FAM117A: variants seen among roughly 807,000 people sequenced by gnomAD.
FAM117A encodes the protein family with sequence similarity 117 member A.
In FAM117A, 21 loss-of-function variants were observed where a neutral mutation model predicts 44.1. That is an observed-to-expected ratio of 0.48 (90% CI 0.34 to 0.69). The LOEUF (loss-of-function observed/expected upper bound fraction) is 0.69. FAM117A is among the 30% of genes least tolerant of loss of function. The probability of loss-of-function intolerance (pLI) is 0.01; values close to 1 mark genes in which losing one functional copy is unlikely to be tolerated. For synonymous variants in FAM117A, 220 were observed against 238.3 expected, an observed-to-expected ratio of 0.92 and a Z score of 0.71; for missense variants, 498 against 589.9, an observed-to-expected ratio of 0.84 and a Z score of 1.61.
intron 3 of FAM117A, among the ~76,000 whole-genome samples, chr17:49,720,705 T>C (rs1269873802): frequency 6.6e-6 from 1 of 152,082 alleles, no homozygotes; most frequent in Non-Finnish European, 1.5e-5. Context: ...TTTTACAGAT[T>C]CCAAAGGCAT....
chr17:49,718,990 C>CA (rs2073519605), intron 5 of FAM117A, among the ~76,000 whole-genome samples: 1 of 99,724 alleles, frequency 1.0e-5, no homozygotes, highest in Non-Finnish European at 2.1e-5. Flanking sequence ...AAAAAAAAGG[C>CA]CGGTGGCTCA....
chr17:49,782,012 G>T (rs1002037372), intron 1 of FAM117A, among the ~76,000 whole-genome samples: 7 of 151,670 alleles, frequency 4.6e-5, no homozygotes, highest in Non-Finnish European at 1.0e-4. Context: ...AATAATGAGT[G>T]TATCTATGTT....
chr17:49,752,585 C>T (rs539443892), intron 1 of FAM117A, among the ~76,000 whole-genome samples: 36 of 152,276 alleles, frequency 2.4e-4, no homozygotes, highest in Middle Eastern at 6.8e-3. Context: ...CATGGCCTTG[C>T]CCCAAGCTCA....
At chr17:49,756,236 T>G (rs1413891735) in intron 1 of FAM117A, among the ~76,000 whole-genome samples, 4 of 152,118 alleles carry the variant, frequency 2.6e-5, no homozygotes, top group Non-Finnish European at 5.9e-5. Flanking sequence ...CACCAAACAC[T>G]GAGTATTTCT....
At chr17:49,774,438 C>T (rs997507851) in intron 1 of FAM117A, among the ~76,000 whole-genome samples, 5 of 151,142 alleles carry the variant, frequency 3.3e-5, no homozygotes, top group African/African-American at 1.2e-4. Flanking sequence ...CAGCTCACTG[C>T]AACCTCTGCC....
chr17:49,778,166 T>G (rs1414363303), intron 1 of FAM117A, among the ~76,000 whole-genome samples: 1 of 152,138 alleles, frequency 6.6e-6, no homozygotes, highest in Non-Finnish European at 1.5e-5. Flanking sequence ...CATACTTTTC[T>G]TTTTTTGCCT....
At position 49,771,929 on chromosome 17, in the gene FAM117A, C is replaced by T. The variant is rs184534487; in HGVS notation, c.-621+16568G>A. Among the ~76,000 whole-genome samples, 8 of 152,350 alleles carry T rather than the reference C, an allele frequency of 5.3e-5. No individual in the cohort carries two copies. The East Asian group carries it at 1.5e-3, about 29-fold the overall frequency. On this transcript the variant is annotated intron_variant, in intron 1 of 7. Coordinates refer to the FAM117A transcript ENST00000513602. ...AATAAGCTACAATATATCTTTGACA[C>T]TCTCCACCTGATTCTACATCCACTC...
At chr17:49,718,914 T>C (rs1209855354) in intron 5 of FAM117A, among the ~76,000 whole-genome samples, 1 of 148,052 alleles carries the variant, frequency 6.8e-6, no homozygotes, top group Non-Finnish European at 1.5e-5. Flanking sequence ...GAGGCGGAGA[T>C]TGCAGTGAGC....
At chr17:49,740,501 GT>G (rs2073629999) in intron 1 of FAM117A, among the ~76,000 whole-genome samples, 2 of 152,162 alleles carry the variant, frequency 1.3e-5, no homozygotes, top group Non-Finnish European at 2.9e-5. Flanking sequence ...CGCCCACCTT[GT>G]CCTCCCAAAG....
At chr17:49,766,503 C>T (rs2073746268), upstream of FAM117A, among the ~76,000 whole-genome samples, 1 of 152,188 alleles carries the variant, frequency 6.6e-6, no homozygotes, top group South Asian at 2.1e-4. Flanking sequence ...CATCCTTGGT[C>T]TTTTGACTCC....
At chr17:49,713,205 G>A (rs1313753777) in intron 7 of FAM117A, among the ~76,000 whole-genome samples, 1 of 152,102 alleles carries the variant, frequency 6.6e-6, no homozygotes, top group African/African-American at 2.4e-5. Context: ...CCTTTATAAT[G>A]TGAGAGGAAT....
At chr17:49,749,570 C>T (rs1294028905) in intron 1 of FAM117A, among the ~76,000 whole-genome samples, 3 of 115,868 alleles carry the variant, frequency 2.6e-5, no homozygotes, top group South Asian at 2.6e-4. Flanking sequence ...AGCAAGACTC[C>T]GTCTCAAAAA....
chr17:49,762,577 C>T (rs967363720), intron 1 of FAM117A, among the ~76,000 whole-genome samples: 1 of 152,192 alleles, frequency 6.6e-6, no homozygotes, highest in Admixed American at 6.5e-5. Flanking sequence ...CCTGTAGTAG[C>T]TACTACTTCT....
intron 1 of FAM117A, among the ~76,000 whole-genome samples, chr17:49,782,572 C>T (rs1474419725): frequency 6.6e-6 from 1 of 151,182 alleles, no homozygotes; most frequent in Non-Finnish European, 1.5e-5. Context: ...CACCTGTAGT[C>T]CCAGCTACTT....
chr17:49,746,773 G>T (rs892284192), intron 1 of FAM117A, among the ~76,000 whole-genome samples: 2 of 152,186 alleles, frequency 1.3e-5, no homozygotes, highest in African/African-American at 4.8e-5. Flanking sequence ...CTAAACGGAG[G>T]GTAGCTTGAT....
chr17:49,746,851 C>T (rs1389092161), intron 1 of FAM117A, among the ~76,000 whole-genome samples: 2 of 152,066 alleles, frequency 1.3e-5, no homozygotes, highest in Non-Finnish European at 2.9e-5. Context: ...ACATGAAGGA[C>T]AGTAAAAAGG....
At chr17:49,732,840 G>T in intron 1 of FAM117A, 120 bp from the exon 2 acceptor site, 2 of 1,081,532 alleles carry the variant, frequency 1.8e-6, no homozygotes, top group Non-Finnish European at 2.7e-6. Flanking sequence ...ATCCACCACT[G>T]TCCTAAAAGA....
At chr17:49,713,093 GA>G (rs2073486093) in intron 7 of FAM117A, among the ~76,000 whole-genome samples, 1 of 152,078 alleles carries the variant, frequency 6.6e-6, no homozygotes, top group Non-Finnish European at 1.5e-5. Context: ...TCACTATGTT[GA>G]CCAGGCTGGT....
At chr17:49,729,106 C>A (rs2073573370) in intron 2 of FAM117A, among the ~76,000 whole-genome samples, 5 of 152,242 alleles carry the variant, frequency 3.3e-5, no homozygotes, top group African/African-American at 1.2e-4. Flanking sequence ...TTCGCTCCAT[C>A]TTCTACTCTG....
Sources: allele counts gnomAD v4.1 joint callset (sites outside exome capture counted in the v4.1 genomes callset), GRCh38; gene constraint gnomAD v4.1.1; transcripts MANE v1.5; gene names NCBI Gene and HGNC (gene_info 2026-07-23, HGNC 2026-07-21).